The following LRRC17 variants were observed in gnomAD, a reference collection of about 807,000 sequenced individuals.
LRRC17 encodes leucine rich repeat containing 17.
LRRC17 carries 33 observed loss-of-function variants against 41.5 expected under a neutral mutation model. The observed-to-expected ratio is 0.80, with a 90% CI of 0.60 to 1.06. LRRC17 has a LOEUF of 1.06. Ranked by LOEUF, LRRC17 falls within the 50% of genes least tolerant of loss-of-function variation. The probability of loss-of-function intolerance (pLI) is 0.00; values close to 1 mark genes in which losing one functional copy is unlikely to be tolerated. For missense variants in LRRC17, 491 were observed against 519.3 expected (o/e 0.95, Z 0.53); for synonymous variants, 192 against 197.0 (o/e 0.97, Z 0.21).
chr7:102,927,365 T>C (rs1818336429), intron 1 of LRRC17, among the ~76,000 whole-genome samples: 1 of 152,154 alleles, frequency 6.6e-6, no homozygotes, highest in Non-Finnish European at 1.5e-5. Flanking sequence ...GGTAAATCAT[T>C]ACTAGGCTAG....
intron 1 of LRRC17, among the ~76,000 whole-genome samples, chr7:102,924,001 A>T (rs1461385949): frequency 6.6e-6 from 1 of 152,096 alleles, no homozygotes; most frequent in African/African-American, 2.4e-5. Context: ...GCACTTTGGG[A>T]GGCCAAGGAG....
At chr7:102,942,276 C>A in intron 3 of LRRC17, 1 of 1,589,316 alleles carries the variant, frequency 6.3e-7, no homozygotes, top group African/African-American at 1.4e-5. Context: ...AATGAAAGGT[C>A]TCCTATATTT....
At chr7:102,926,175 G>A (rs189590095) in intron 1 of LRRC17, 2 of 920,400 alleles carry the variant, frequency 2.2e-6, no homozygotes, top group East Asian at 2.7e-5. Flanking sequence ...GTGGTGGGGT[G>A]TTGATAAAGG....
intron 1 of LRRC17, among the ~76,000 whole-genome samples, chr7:102,917,750 C>T (rs1816189810): frequency 2.0e-5 from 3 of 152,070 alleles, no homozygotes; most frequent in Admixed American, 6.6e-5. Flanking sequence ...CTTCTTGTAG[C>T]GTGAGATAGA....
At chr7:102,925,587 T>A (rs539032010) in intron 1 of LRRC17, among the ~76,000 whole-genome samples, 1 of 152,098 alleles carries the variant, frequency 6.6e-6, no homozygotes, top group East Asian at 1.9e-4. Flanking sequence ...AGCCAGAGCA[T>A]GGGAACAGGG....
chr7:102,913,175 T>A, intron 1 of LRRC17, 30 bp downstream of exon 1: 3 of 1,614,140 alleles, frequency 1.9e-6, no homozygotes, highest in Non-Finnish European at 2.5e-6. Context: ...GTGAACCGTC[T>A]GCAATAAGCC....
At chr7:102,937,870 C>T (rs1820634111) in intron 2 of LRRC17, among the ~76,000 whole-genome samples, 1 of 152,128 alleles carries the variant, frequency 6.6e-6, no homozygotes, top group Non-Finnish European at 1.5e-5. Context: ...TATACATGGT[C>T]ACACATAGAG....
At chr7:102,922,808 T>TA (rs1490451352) in intron 1 of LRRC17, among the ~76,000 whole-genome samples, 5 of 150,850 alleles carry the variant, frequency 3.3e-5, no homozygotes, top group Non-Finnish European at 5.9e-5. Flanking sequence ...CCGTCTCTAC[T>TA]AAAAATACAA....
chr7:102,940,099 G>C (rs531115726), intron 3 of LRRC17, among the ~76,000 whole-genome samples: 1 of 151,980 alleles, frequency 6.6e-6, no homozygotes, highest in Admixed American at 6.5e-5. Context: ...TCATCATGTT[G>C]GTCAGGCTGG....
intron 1 of LRRC17, among the ~76,000 whole-genome samples, chr7:102,919,591 T>C (rs900520048): frequency 1.1e-4 from 17 of 152,094 alleles, no homozygotes; most frequent in African/African-American, 3.9e-4. Context: ...CAGGAAAAAA[T>C]AGGTTACCAA....
intron 1 of LRRC17, among the ~76,000 whole-genome samples, chr7:102,931,426 A>C (rs1436478623): frequency 6.6e-6 from 1 of 152,198 alleles, no homozygotes; most frequent in African/African-American, 2.4e-5. Context: ...TTTTACAAAG[A>C]GTATAAAGTG....
chr7:102,939,471 A>G lies in LRRC17; in HGVS notation c.814A>G (p.Lys272Glu). ...AAACAACATCCCTCCAGATATTGTT[A>G]AACTTGACTTGTCATACAATAAAAT... ...VPNNIPPDIV[K>E]LDLSYNKINQ... The change falls in exon 3 of 4, where the codon AAA (lysine) becomes GAA (glutamate). Residue 272 changes from lysine to glutamate, a missense_variant. Lys to Glu is a moderately conservative substitution (Grantham distance 56). Transcript: ENST00000339431. 1 of 1,613,722 alleles carries G rather than the reference A, an allele frequency of 6.2e-7. No homozygotes were observed. Among genetic ancestry groups the G allele is most frequent in the African/African-American group, 1.3e-5 (1 of 75,024 alleles).
At chr7:102,918,679 G>A (rs1268001678) in intron 1 of LRRC17, among the ~76,000 whole-genome samples, 2 of 152,098 alleles carry the variant, frequency 1.3e-5, no homozygotes, top group Non-Finnish European at 2.9e-5. Flanking sequence ...TTAGCTGGAT[G>A]TGCCCAGGAG....
At chr7:102,922,611 C>T (rs895553733) in intron 1 of LRRC17, among the ~76,000 whole-genome samples, 2 of 152,290 alleles carry the variant, frequency 1.3e-5, no homozygotes, top group East Asian at 1.9e-4. Context: ...TCAATTCTCA[C>T]ACAATGTTTT....
chr7:102,934,705 T>C lies in LRRC17; in HGVS notation c.772+20T>C. The C allele has an allele frequency of 1.3e-6, 2 of 1,547,102 alleles. No homozygotes were observed. Among genetic ancestry groups the C allele is most frequent in the Non-Finnish European group, 1.7e-6 (2 of 1,149,010 alleles). On this transcript the variant is annotated intron_variant, in intron 2 of 3. Transcript: ENST00000339431. ...GGAAAGGTTTGTACTTTTCTTACTTTTTCATTTTCATGAATAACTTGAAAT... is the reference window on the plus strand; with the variant it reads ...GGAAAGGTTTGTACTTTTCTTACTTCTTCATTTTCATGAATAACTTGAAAT...
chr7:102,916,890 GA>G (rs1286379139), intron 1 of LRRC17, among the ~76,000 whole-genome samples: 1 of 151,678 alleles, frequency 6.6e-6, no homozygotes, highest in African/African-American at 2.4e-5. Context: ...AAACTACAAA[GA>G]TTTTTTTTTC....
rs80028503 is a variant in LRRC17 at position 102,935,642 on chromosome 7, T to C, written c.772+957T>C. Reference sequence around the variant, plus strand: ...AGCTAAGAAAACAGACGGGAGATTTTAGTAATGCTCTTGACATGTTAGTGA... The same window carrying C: ...AGCTAAGAAAACAGACGGGAGATTTCAGTAATGCTCTTGACATGTTAGTGA... On this transcript the variant is annotated intron_variant, in intron 2 of 3. Transcript: ENST00000339431. Among the ~76,000 whole-genome samples, 570 of 152,280 alleles carry C rather than the reference T, an allele frequency of 3.7e-3. 5 individuals carry two copies. The highest frequency in any genetic ancestry group is 0.013 in the African/African-American group (561 of 41,556).
intron 1 of LRRC17, among the ~76,000 whole-genome samples, chr7:102,922,425 GGTTTACTGATAA>G (rs908473248): frequency 6.6e-6 from 1 of 151,772 alleles, no homozygotes; most frequent in African/African-American, 2.4e-5. Context: ...TTTAATTATT[GGTTTACTGATAA>G]GTATCTAATG....
Position 102,913,001 on chromosome 7 carries a change from T to C in LRRC17, c.-285T>C. ...AGTGTGCTGCGGTCCGTGCACAGCA[T>C]TAGTATAACGTGAGGGCTGAATGCA... On this transcript the variant is annotated 5_prime_UTR_variant, in exon 1 of 4. Coordinates refer to ENST00000339431, the MANE Select transcript of LRRC17 (RefSeq NM_001031692.3). 1.3e-6 allele frequency: 2 copies of C among 1,567,786 alleles called. No homozygotes were observed. The highest frequency in any genetic ancestry group is 8.7e-7 in the Non-Finnish European group (1 of 1,145,692).
Sources: allele counts gnomAD v4.1 joint callset (sites outside exome capture counted in the v4.1 genomes callset), GRCh38; gene constraint gnomAD v4.1.1; transcripts MANE v1.5; gene names NCBI Gene and HGNC (gene_info 2026-07-23, HGNC 2026-07-21).